SEC14L3: variants seen among roughly 807,000 people sequenced by gnomAD.
The protein encoded by SEC14L3 is SEC14 like lipid binding 3, also known as SEC14-like protein 3.
Under a neutral mutation model 57.4 loss-of-function variants are expected in SEC14L3, and 56 were observed. The ratio of observed to expected loss-of-function variants is 0.97; its 90% confidence interval spans 0.79 to 1.22. The LOEUF (loss-of-function observed/expected upper bound fraction) is 1.22, where lower values mean the gene tolerates loss of function less well. Among genes scored for constraint, SEC14L3 ranks in the 50% most tolerant of loss-of-function variants. SEC14L3 has a pLI of 0.00. For synonymous variants in SEC14L3, 173 were observed against 194.4 expected (o/e 0.89, Z 0.92); for missense variants, 485 against 511.7 (o/e 0.95, Z 0.50).
At chr22:30,465,929 G>A (rs771052423) in intron 7 of SEC14L3, among the ~76,000 whole-genome samples, 26 of 152,234 alleles carry the variant, frequency 1.7e-4, no homozygotes, top group Admixed American at 1.6e-3. Flanking sequence ...CAACAAAAGT[G>A]GAGAATCACA....
intron 12 of SEC14L3, among the ~76,000 whole-genome samples, chr22:30,452,112 GA>G (rs1934998670): frequency 6.6e-6 from 1 of 151,740 alleles, no homozygotes; most frequent in Non-Finnish European, 1.5e-5. Context: ...TGTGCAGAAT[GA>G]ACTTGGTGAC....
At chr22:30,470,963 G>C (rs1707921137) in intron 1 of SEC14L3, among the ~76,000 whole-genome samples, 1 of 152,112 alleles carries the variant, frequency 6.6e-6, no homozygotes, top group Non-Finnish European at 1.5e-5. Flanking sequence ...GTGGCTGCGT[G>C]GGTAGGAAGA....
chr22:30,452,398 C>T (rs1033246109), intron 12 of SEC14L3, among the ~76,000 whole-genome samples: 2 of 151,766 alleles, frequency 1.3e-5, no homozygotes, highest in African/African-American at 4.8e-5. Context: ...GCTCCGGCCA[C>T]CACGACTGGC....
At chr22:30,462,277 G>C in intron 8 of SEC14L3, 85 bp from the exon 9 acceptor site, 1 of 1,497,648 alleles carries the variant, frequency 6.7e-7, no homozygotes, top group Non-Finnish European at 8.9e-7. Flanking sequence ...ACCTGAACTG[G>C]GGGAGAAGCC....
chr22:30,469,968 C>T lies in SEC14L3; in HGVS notation c.234+51G>A, dbSNP rs776800100. ...CCCCTCATTCATGGTCCCCAGTGAC[C>T]TTGAGTGGTACGTCCGTGAAAGACT... On this transcript the variant is annotated intron_variant, in intron 4 of 11. Coordinates refer to ENST00000215812, the MANE Select transcript of SEC14L3 (RefSeq NM_174975.5). The T allele has an allele frequency of 6.4e-6, 9 of 1,403,568 alleles. No individual in the cohort carries two copies. In the African/African-American group the frequency reaches 1.3e-4, roughly 20 times the overall value. 86.9% of individuals were successfully genotyped at this position (1,403,568 alleles called of 1,614,324 possible).
At chr22:30,450,843 T>C (rs912141148) in intron 12 of SEC14L3, among the ~76,000 whole-genome samples, 5 of 152,186 alleles carry the variant, frequency 3.3e-5, no homozygotes, top group African/African-American at 9.7e-5. Context: ...ACCCTGAAAC[T>C]GTAGGTGGGC....
rs1935188668 is a variant in SEC14L3 at position 30,459,628 on chromosome 22, AG to A, written c.*392del. ...TATACACTGAGCATCTACTATATAT[AG>A]GGAGTGGAAGTAAAAAGGATTTAGA... On this transcript the variant is annotated 3_prime_UTR_variant, in exon 12 of 12. Coordinates refer to ENST00000215812, the MANE Select transcript of SEC14L3 (RefSeq NM_174975.5). The A allele has an allele frequency of 5.0e-6, 5 of 1,003,226 alleles. No homozygotes were observed. The highest frequency in any genetic ancestry group is 6.0e-6 in the Non-Finnish European group (5 of 839,402). The allele number at this position is 1,003,226 out of a possible 1,614,324, so 62.1% of individuals were successfully genotyped here. A position where few individuals can be genotyped will look rare whatever the true frequency, so the allele number is the denominator to read the frequency against.
chr22:30,455,065 A>ATAATATATTAAATATT (rs1376559706), downstream of SEC14L3, among the ~76,000 whole-genome samples: 8 of 29,270 alleles, frequency 2.7e-4, no homozygotes, highest in African/African-American at 2.0e-3. Flanking sequence ...TATATTATAT[A>ATAATATATTAAATATT]TAATATATAA....
intron 7 of SEC14L3, among the ~76,000 whole-genome samples, chr22:30,465,330 C>A (rs942013125): frequency 2.6e-5 from 4 of 152,192 alleles, no homozygotes; most frequent in Non-Finnish European, 5.9e-5. Context: ...GCAAAGCAAT[C>A]AGCCAATGGA....
downstream of SEC14L3, among the ~76,000 whole-genome samples, chr22:30,454,803 T>TAA (rs1935065433): frequency 8.4e-5 from 4 of 47,620 alleles, no homozygotes; most frequent in African/African-American, 3.8e-4. Context: ...TTATTGTATA[T>TAA]TATATATTTT....
chr22:30,464,872 GA>G lies in SEC14L3; in HGVS notation c.611del (p.Leu204ProfsTer2), dbSNP rs758594243. 4 of 1,613,898 alleles carry G rather than the reference GA, an allele frequency of 2.5e-6. No individual in the cohort carries two copies. The African/African-American group carries it at 4.0e-5, about 16-fold the overall frequency. On this transcript the variant is annotated frameshift_variant, in exon 8 of 12. Transcript: ENST00000215812. LOFTEE classifies it high-confidence loss of function. ...TGTCCTCACTCAGGAATGGCTTCAT[GA>G]GGTTGTAGCCCACAGGGAACAGTTT... ...ATKLFPVGYN[L>X]MKPFLSEDTR...
At chr22:30,449,563 C>T (rs907132961) in intron 12 of SEC14L3, among the ~76,000 whole-genome samples, 1 of 140,782 alleles carries the variant, frequency 7.1e-6, no homozygotes, top group Non-Finnish European at 1.5e-5. Context: ...CTTTTCTTTT[C>T]TTTTCTTTTT....
intron 6 of SEC14L3, 28 bp downstream of exon 6, chr22:30,466,954 G>T (rs112255789): frequency 8.2e-6 from 13 of 1,590,296 alleles, no homozygotes; most frequent in African/African-American, 5.4e-5. Flanking sequence ...CAAAGCAAGC[G>T]GGGGGTGGCC....
At position 30,461,425 on chromosome 22, in the gene SEC14L3, G is replaced by T. The variant is rs1330098459; in HGVS notation, c.966C>A (p.Thr322=). 5 of 1,613,896 alleles carry T rather than the reference G, an allele frequency of 3.1e-6. No individual in the cohort carries two copies. Among genetic ancestry groups the T allele is most frequent in the African/African-American group, 1.3e-5 (1 of 74,888 alleles). Residue 322 remains threonine (T), a synonymous_variant, in exon 11 of 12, where the codon ACC becomes ACA. Transcript: ENST00000215812. ...ADIGFGVFLK[T]KMGERQRAGE... Reference sequence around the variant, plus strand: ...CTGCCCGCTGTCGCTCCCCCATCTTGGTCTTCAGGAAAACTCCGAAGCCGA... The same window carrying T: ...CTGCCCGCTGTCGCTCCCCCATCTTTGTCTTCAGGAAAACTCCGAAGCCGA...
intron 1 of SEC14L3, among the ~76,000 whole-genome samples, chr22:30,471,599 C>A (rs559094837): frequency 6.6e-6 from 1 of 152,026 alleles, no homozygotes; most frequent in Non-Finnish European, 1.5e-5. Flanking sequence ...GAGGGAGGAA[C>A]GGGGGTACCT....
chr22:30,470,604 A>C, intron 1 of SEC14L3, 22 bp from the exon 2 acceptor site: 1 of 1,614,180 alleles, frequency 6.2e-7, no homozygotes, highest in East Asian at 2.2e-5. Flanking sequence ...GATGCTGGTT[A>C]AAGTGGCTCT....
chr22:30,471,983 G>T lies in SEC14L3; in HGVS notation c.-25C>A. ...TGGTGCTGGCTGGGGCTTGAGGAGT[G>T]GTGGCCACTATAGGCAAGAGGCCAA... On this transcript the variant is annotated 5_prime_UTR_variant, in exon 1 of 12. Transcript: ENST00000215812. 1 of 1,586,824 alleles carries T rather than the reference G, an allele frequency of 6.3e-7. No individual in the cohort carries two copies.
chr22:30,451,646 A>C (rs1159058115), intron 12 of SEC14L3, among the ~76,000 whole-genome samples: 1 of 152,132 alleles, frequency 6.6e-6, no homozygotes, highest in Non-Finnish European at 1.5e-5. Flanking sequence ...TAAGAAAAGA[A>C]ACAGCTTGCC....
At chr22:30,452,317 C>A (rs570278089) in intron 12 of SEC14L3, among the ~76,000 whole-genome samples, 4 of 144,922 alleles carry the variant, frequency 2.8e-5, no homozygotes, top group Non-Finnish European at 4.5e-5. Flanking sequence ...GGTGCAAACT[C>A]GGCTCACTGC....
Sources: allele counts gnomAD v4.1 joint callset (sites outside exome capture counted in the v4.1 genomes callset), GRCh38; gene constraint gnomAD v4.1.1; transcripts MANE v1.5; gene names NCBI Gene and HGNC (gene_info 2026-07-23, HGNC 2026-07-21).